Variants in ICAM2 observed in about 807,000 individuals in gnomAD.
ICAM2 encodes intercellular adhesion molecule 2.
In ICAM2, 14 loss-of-function variants were observed where a neutral mutation model predicts 19.1. That is an observed-to-expected ratio of 0.73 (90% CI 0.48 to 1.15). The LOEUF (loss-of-function observed/expected upper bound fraction) is 1.15, where lower values mean the gene tolerates loss of function less well. Among genes scored for constraint, ICAM2 ranks in the 50% most tolerant of loss-of-function variants. ICAM2 has a pLI of 0.00. For synonymous variants in ICAM2, 153 were observed against 152.7 expected (o/e 1.00, Z -0.01); for missense variants, 311 against 355.4 (o/e 0.88, Z 1.00).
In ICAM2 at chr17:64,020,584, C is replaced by A. The variant is rs1297599777; in HGVS notation, c.-106G>T. ...GGGCAGGAAATTGGTGACAAGGTGACAAGGTGCGCGTGTCACAGCTGCCCA... is the reference window on the plus strand; with the variant it reads ...GGGCAGGAAATTGGTGACAAGGTGAAAAGGTGCGCGTGTCACAGCTGCCCA... On this transcript the variant is annotated 5_prime_UTR_variant, in exon 1 of 5. Transcript: ENST00000579788. The A allele has an allele frequency of 6.6e-6, 1 of 152,070 alleles. No individual in the cohort carries two copies. Among genetic ancestry groups the A allele is most frequent in the Non-Finnish European group, 1.5e-5 (1 of 68,042 alleles). The allele number at this position is 152,070 out of a possible 1,614,324, so 9.4% of individuals were successfully genotyped here.
Position 64,011,052 on chromosome 17 carries a change from C to T in ICAM2, c.-44-4317G>A, listed in dbSNP as rs570258808. On this transcript the variant is annotated intron_variant, in intron 1 of 4. Transcript: ENST00000579788. ...ACACAATTTTAAAATGGGCACAGAC[C>T]AGCCCAATGTCTCTTGGACTTTATT... Among the ~76,000 whole-genome samples, 21 of 152,144 alleles carry T rather than the reference C, an allele frequency of 1.4e-4. No individual in the cohort carries two copies. In the South Asian group the frequency reaches 2.7e-3, roughly 20 times the overall value.
intron 1 of ICAM2, among the ~76,000 whole-genome samples, chr17:64,012,523 C>T (rs1911496487): frequency 6.6e-6 from 1 of 152,086 alleles, no homozygotes; most frequent in African/African-American, 2.4e-5. Flanking sequence ...TTGCTTGAAC[C>T]CGGGAGGTGG....
chr17:64,017,873 A>C (rs1385611510), intron 1 of ICAM2, among the ~76,000 whole-genome samples: 1 of 152,234 alleles, frequency 6.6e-6, no homozygotes, highest in Non-Finnish European at 1.5e-5. Context: ...TAGAGAAAAA[A>C]AGGGGAAAAT....
Position 64,005,362 on chromosome 17 carries a change from T to C in ICAM2, c.73A>G (p.Lys25Glu), listed in dbSNP as rs958184614. The change falls in exon 3 of 5, where the codon AAG (lysine) becomes GAG (glutamate). Residue 25 changes from lysine to glutamate, a missense_variant. Physicochemically the swap from Lys to Glu is moderately conservative, Grantham distance 56 (BLOSUM62 1). Transcript: ENST00000579788. ...TLICCPGSDE[K>E]VFEVHVRPKK... ...GGCCTCACGTGTACCTCGAATACCT[T>C]CTCATCCGATCCTGGAAAACCAGAA... The C allele has an allele frequency of 6.2e-7, 1 of 1,612,500 alleles. No individual in the cohort carries two copies. The highest frequency in any genetic ancestry group is 8.5e-7 in the Non-Finnish European group (1 of 1,178,954).
At chr17:64,017,718 G>A (rs925850491) in intron 1 of ICAM2, among the ~76,000 whole-genome samples, 1 of 152,164 alleles carries the variant, frequency 6.6e-6, no homozygotes, top group Non-Finnish European at 1.5e-5. Context: ...GTAGGTATAG[G>A]CAAATTAACT....
In ICAM2 at chr17:64,006,714, G is replaced by T; in HGVS notation, c.-23C>A. The T allele has an allele frequency of 1.2e-6, 2 of 1,612,500 alleles. No individual in the cohort carries two copies. The highest frequency in any genetic ancestry group is 1.7e-6 in the Non-Finnish European group (2 of 1,178,642). ...CATCTCTGGCAGTCTCCACGGGCTC[G>T]CAGGGACCAGCCAAGGGCTGCCTGG... On this transcript the variant is annotated 5_prime_UTR_variant, in exon 2 of 5. Coordinates refer to ENST00000579788, the MANE Select transcript of ICAM2 (RefSeq NM_001099789.2).
rs1463601975 is a variant in ICAM2, at chr17:64,011,322, C to T, written c.-44-4587G>A. 5.9e-5 allele frequency among the ~76,000 whole-genome samples: 9 copies of T among 152,204 alleles called. No individual in the cohort carries two copies. In the South Asian group the frequency reaches 8.3e-4, roughly 14 times the overall value. On this transcript the variant is annotated intron_variant, in intron 1 of 4. Transcript: ENST00000579788. ...CTAAAAACACAAAAAAGTAGCTGGGCGTAGTGGCACACGCCTGTAGTCTCA... is the reference window on the plus strand; with the variant it reads ...CTAAAAACACAAAAAAGTAGCTGGGTGTAGTGGCACACGCCTGTAGTCTCA...
Position 64,002,846 on chromosome 17 carries a change from C to G in ICAM2, c.729G>C (p.Leu243=), listed in dbSNP as rs968522690. Residue 243 remains leucine (L), a synonymous_variant, in exon 5 of 5, where the codon CTG becomes CTC. Transcript: ENST00000579788. The stretch of plus-strand genomic sequence containing the variant: ...AGTGCTGGCCGAAGATGAAGCAGAG[C>G]AGGACAGATGTCACGAACAGGGACA... ...VLLSLFVTSV[L]LCFIFGQHLR... 1 of 1,614,016 alleles carries G rather than the reference C, an allele frequency of 6.2e-7. No individual in the cohort carries two copies. Among genetic ancestry groups the G allele is most frequent in the Non-Finnish European group, 8.5e-7 (1 of 1,179,994 alleles).
At chr17:64,008,786 T>A (rs1911325497) in intron 1 of ICAM2, among the ~76,000 whole-genome samples, 1 of 152,142 alleles carries the variant, frequency 6.6e-6, no homozygotes, top group African/African-American at 2.4e-5. Flanking sequence ...TGAGGGACTG[T>A]GGGAAGGTGG....
At chr17:64,019,946 A>G (rs1911881353) in intron 1 of ICAM2, among the ~76,000 whole-genome samples, 1 of 152,130 alleles carries the variant, frequency 6.6e-6, no homozygotes, top group East Asian at 1.9e-4. Context: ...TATGTATGTT[A>G]CATAAGCTTT....
intron 1 of ICAM2, among the ~76,000 whole-genome samples, chr17:64,018,323 G>A (rs1242357677): frequency 4.6e-4 from 40 of 87,788 alleles, no homozygotes; most frequent in African/African-American, 1.8e-3. Context: ...GACAGAGTGA[G>A]ACTCTATCTC....
chr17:64,008,531 A>G (rs1270226843), intron 1 of ICAM2, among the ~76,000 whole-genome samples: 1 of 152,208 alleles, frequency 6.6e-6, no homozygotes, highest in Admixed American at 6.5e-5. Flanking sequence ...TGAGGCAGGT[A>G]CTGTTACTGT....
At chr17:64,005,039 C>T (rs1911108823) in intron 3 of ICAM2, 68 bp downstream of exon 3, 2 of 1,565,262 alleles carry the variant, frequency 1.3e-6, no homozygotes, top group South Asian at 1.1e-5. Context: ...CAGAGGGGCT[C>T]TGTGTGCATT....
rs538353983 is a variant in ICAM2 at position 64,003,664 on chromosome 17, G to A, written c.629C>T (p.Pro210Leu). 20 of 1,613,830 alleles carry A rather than the reference G, an allele frequency of 1.2e-5. No individual in the cohort carries two copies. Among genetic ancestry groups the A allele is most frequent in the South Asian group, 9.9e-5 (9 of 91,048 alleles). Residue 210 changes from proline (P) to leucine (L), a missense_variant, in exon 4 of 5, where the codon CCG becomes CTG. By Grantham distance (98) the Pro-to-Leu change is moderately conservative (BLOSUM62 -3). Coordinates refer to ENST00000579788, the MANE Select transcript of ICAM2 (RefSeq NM_001099789.2). ...GGNIFHKHSA[P>L]KMLEIYEPVS... ...CTCACCATAGATCTCCAACATCTTC[G>A]GGGCTGAGTGTTTGTGAAAGATGTT...
At position 64,016,761 on chromosome 17, in the gene ICAM2, G is replaced by A. The variant is rs538136536; in HGVS notation, c.-45+3762C>T. Among the ~76,000 whole-genome samples the A allele has an allele frequency of 2.0e-5, 3 of 152,218 alleles. No individual in the cohort carries two copies. The East Asian group carries it at 5.8e-4, about 29-fold the overall frequency. On this transcript the variant is annotated intron_variant, in intron 1 of 4. Transcript: ENST00000579788. ...CCTGCTCCTTCACCCCCTGCTTCCT[G>A]GAATCACCTCTCAAATAACCTATCT...
chr17:64,012,554 T>C (rs1354258130), intron 1 of ICAM2, among the ~76,000 whole-genome samples: 1 of 152,116 alleles, frequency 6.6e-6, no homozygotes, highest in African/African-American at 2.4e-5. Flanking sequence ...GAGCTGAGAT[T>C]GTGCCACTGC....
Position 64,012,217 on chromosome 17 carries a change from C to T in ICAM2, c.-44-5482G>A, listed in dbSNP as rs59567853. 6.0e-3 allele frequency among the ~76,000 whole-genome samples: 907 copies of T among 152,228 alleles called. 9 individuals carry two copies. The highest frequency in any genetic ancestry group is 0.02 in the African/African-American group (829 of 41,536). On this transcript the variant is annotated intron_variant, in intron 1 of 4. Transcript: ENST00000579788. ...GTGGCTCACACTTGTAATCCCAGCA[C>T]TTTGGGAGGTTGAGGCAGGAGGATT...
chr17:64,006,753 G>A lies in ICAM2; in HGVS notation c.-44-18C>T. On this transcript the variant is annotated intron_variant, in intron 1 of 4. Transcript: ENST00000579788. Reference sequence around the variant, plus strand: ...AGGGCTGCCTGGAGGGAGATGGTGGGCGCAGGTCTGAGCTATGGCCCAGAA... The same window carrying A: ...AGGGCTGCCTGGAGGGAGATGGTGGACGCAGGTCTGAGCTATGGCCCAGAA... 1 of 1,482,950 alleles carries A rather than the reference G, an allele frequency of 6.7e-7. No individual in the cohort carries two copies. Among genetic ancestry groups the A allele is most frequent in the Middle Eastern group, 1.7e-4 (1 of 5,762 alleles). 91.9% of individuals were successfully genotyped at this position (1,482,950 alleles called of 1,614,324 possible). A position where few individuals can be genotyped will look rare whatever the true frequency, so the allele number is the denominator to read the frequency against.
chr17:64,009,933 G>A (rs1911380544), intron 1 of ICAM2, among the ~76,000 whole-genome samples: 1 of 152,146 alleles, frequency 6.6e-6, no homozygotes, highest in Non-Finnish European at 1.5e-5. Context: ...CCCAATTGAT[G>A]CCAGCTGGCC....
Sources: gnomAD v4.1 joint callset for allele counts (sites outside exome capture counted in the v4.1 genomes callset) on GRCh38, gnomAD v4.1.1 for gene constraint, MANE v1.5 for transcripts, NCBI Gene and HGNC (gene_info 2026-07-23, HGNC 2026-07-21) for gene names.